KMT2C: variants seen among roughly 807,000 people sequenced by gnomAD.
The protein encoded by KMT2C is histone-lysine N-methyltransferase 2C.
A neutral mutation model predicts 507.9 loss-of-function variants in KMT2C; 88 were observed. The observed-to-expected ratio is 0.17, with a 90% CI of 0.15 to 0.21. KMT2C has a LOEUF of 0.21. KMT2C is among the 10% of genes least tolerant of loss of function. The pLI, the probability that KMT2C is intolerant of heterozygous loss-of-function variation, is 1.00. For missense variants in KMT2C, 4,954 were observed against 5,957.8 expected (o/e 0.83, Z 5.55); for synonymous variants, 2,049 against 2,080.8 (o/e 0.98, Z 0.42).
intron 2 of KMT2C, among the ~76,000 whole-genome samples, chr7:152,345,452 G>C (rs78196990): frequency 4.6e-5 from 7 of 152,076 alleles, no homozygotes; most frequent in Admixed American, 6.5e-5. Context: ...TAAAAATAAA[G>C]AAGAATCACT....
intron 2 of KMT2C, among the ~76,000 whole-genome samples, chr7:152,337,104 G>C (rs956999218): frequency 5.9e-5 from 9 of 151,952 alleles, no homozygotes; most frequent in Admixed American, 3.3e-4. Flanking sequence ...GGGCAACATG[G>C]CAAAAGCAAA....
chr7:152,167,760 G>A lies in KMT2C; in HGVS notation c.9518-382C>T, dbSNP rs62481489. Among the ~76,000 whole-genome samples, 407 of 152,244 alleles carry A rather than the reference G, an allele frequency of 2.7e-3. 3 individuals carry two copies. Among genetic ancestry groups the A allele is most frequent in the Non-Finnish European group, 4.4e-3 (298 of 68,010 alleles). ...AATACGATTTTACAGATTTTGAAGA[G>A]ACAAAGACATATCCCATTAAGGTCT... On this transcript the variant is annotated intron_variant, in intron 41 of 58. Coordinates refer to ENST00000262189, the MANE Select transcript of KMT2C (RefSeq NM_170606.3).
At chr7:152,304,982 T>A (rs764564345) in intron 6 of KMT2C, among the ~76,000 whole-genome samples, 2 of 152,236 alleles carry the variant, frequency 1.3e-5, no homozygotes, top group East Asian at 3.8e-4. Flanking sequence ...CTGTAAAGAT[T>A]TGCTCTATTT....
Position 152,138,684 on chromosome 7 carries a change from T to G in KMT2C, c.14643+112A>C. On this transcript the variant is annotated intron_variant, in intron 58 of 58. Coordinates refer to ENST00000262189, the MANE Select transcript of KMT2C (RefSeq NM_170606.3). This position sits in a 1 kb window ranked among gnomAD's most constrained non-coding sequence, Gnocchi z 4.2. ...AACATCTGGCCTATTATGGACAGAG[T>G]TTTTATCACAACAAAGAATTGGGAA... 1.4e-6 allele frequency: 1 copy of G among 728,948 alleles called. No individual in the cohort carries two copies. Among genetic ancestry groups the G allele is most frequent in the South Asian group, 1.8e-5 (1 of 55,978 alleles). 45.2% of individuals were successfully genotyped at this position (728,948 alleles called of 1,614,324 possible).
chr7:152,187,678 G>C (rs1350380489), intron 32 of KMT2C, 37 bp downstream of exon 32: 1 of 1,592,738 alleles, frequency 6.3e-7, no homozygotes, highest in Non-Finnish European at 8.5e-7. Flanking sequence ...ACAGAAATTA[G>C]TGCAATTTAA....
At chr7:152,180,690 G>A (rs2093405302) in intron 36 of KMT2C, 21 bp downstream of exon 36, 3 of 1,538,142 alleles carry the variant, frequency 2.0e-6, no homozygotes, top group Non-Finnish European at 2.7e-6. Flanking sequence ...ATTTAAAACT[G>A]AGAACATACA....
chr7:152,174,121 CT>C lies in KMT2C; in HGVS notation c.9374+9del. ...GATGCCCAGTAGAAACAAGCAGCCA[CT>C]CCACCTACCTGCTCATCACCATTGG... On this transcript the variant is annotated intron_variant, in intron 39 of 58. Transcript: ENST00000262189. 1 of 1,470,834 alleles carries C rather than the reference CT, an allele frequency of 6.8e-7. No homozygotes were observed. The highest frequency in any genetic ancestry group is 9.3e-7 in the Non-Finnish European group (1 of 1,069,556). 91.1% of individuals were successfully genotyped at this position (1,470,834 alleles called of 1,614,324 possible). A position where few individuals can be genotyped will look rare whatever the true frequency, so the allele number is the denominator to read the frequency against.
In KMT2C at chr7:152,252,046, T is replaced by G; in HGVS notation, c.1514A>C (p.Asp505Ala). Residue 505 changes from aspartate (D) to alanine (A), a missense_variant, in exon 11 of 59, where the codon GAT becomes GCT. Physicochemically the swap from Asp to Ala is moderately radical, Grantham distance 126. Around this residue, in one of 29 missense-constraint regions of KMT2C, gnomAD observed 376 missense variants for 352.4 expected, o/e 1.07. Coordinates refer to ENST00000262189, the MANE Select transcript of KMT2C (RefSeq NM_170606.3). Reference protein sequence around the residue: ...ECDKPTDHELDTQLKEEYICM... With the variant: ...ECDKPTDHELATQLKEEYICM... ...GATATACTCTTCTTTGAGCTGAGTA[T>G]CCAGTTCATGATCTGTTGGTTTGTC... 2 of 1,612,064 alleles carry G rather than the reference T, an allele frequency of 1.2e-6. No individual in the cohort carries two copies. The highest frequency in any genetic ancestry group is 2.2e-5 in the South Asian group (2 of 90,610).
At chr7:152,261,520 C>A (rs1252256207) in intron 9 of KMT2C, among the ~76,000 whole-genome samples, 2 of 151,988 alleles carry the variant, frequency 1.3e-5, no homozygotes, top group Admixed American at 6.5e-5. Context: ...TTTTAAAAAA[C>A]CTACCTTAGT....
At chr7:152,417,108 G>T (rs1028888722) in intron 1 of KMT2C, among the ~76,000 whole-genome samples, 1 of 149,490 alleles carries the variant, frequency 6.7e-6, no homozygotes, top group Admixed American at 6.7e-5. Flanking sequence ...TATATTTATT[G>T]CTTGCTAAGG....
At chr7:152,421,239 C>G (rs2097775612) in intron 1 of KMT2C, among the ~76,000 whole-genome samples, 1 of 151,690 alleles carries the variant, frequency 6.6e-6, no homozygotes, top group Non-Finnish European at 1.5e-5. Context: ...AAGTCACACA[C>G]AAAAAAAACA....
At chr7:152,237,824 T>C (rs2095309353) in intron 15 of KMT2C, among the ~76,000 whole-genome samples, 1 of 152,120 alleles carries the variant, frequency 6.6e-6, no homozygotes. Flanking sequence ...TTTAAATTGG[T>C]ATAAAAGATT....
intron 34 of KMT2C, among the ~76,000 whole-genome samples, chr7:152,183,844 C>T (rs2093521244): frequency 6.6e-6 from 1 of 151,620 alleles, no homozygotes; most frequent in Non-Finnish European, 1.5e-5. Flanking sequence ...TGTGGTGAGC[C>T]AAGATTGCGC....
Position 152,273,804 on chromosome 7 carries a change from T to A in KMT2C, c.913A>T (p.Met305Leu). Reference protein sequence around the residue: ...IKCCEEKCTQMYHYPCAAGAG... With the variant: ...IKCCEEKCTQLYHYPCAAGAG... ...CCTGCAGCACAAGGATAATGATACA[T>A]CTGGGTACATTTCTCTTCACAGCAT... The change falls in exon 7 of 59, where the codon ATG (methionine) becomes TTG (leucine). Residue 305 changes from methionine to leucine, a missense_variant. Around this residue, in one of 29 missense-constraint regions of KMT2C, gnomAD observed 24 missense variants for 82.7 expected, o/e 0.29. Transcript: ENST00000262189. 2 of 1,614,088 alleles carry A rather than the reference T, an allele frequency of 1.2e-6. No homozygotes were observed. The highest frequency in any genetic ancestry group is 1.7e-6 in the Non-Finnish European group (2 of 1,179,942).
chr7:152,425,376 G>C (rs1431529789), intron 1 of KMT2C, among the ~76,000 whole-genome samples: 1 of 152,140 alleles, frequency 6.6e-6, no homozygotes, highest in African/African-American at 2.4e-5. Flanking sequence ...AGAAGTTCGA[G>C]ACCAGCCTGG....
At chr7:152,225,950 TGA>T (rs1490589720) in intron 18 of KMT2C, among the ~76,000 whole-genome samples, 11 of 152,214 alleles carry the variant, frequency 7.2e-5, no homozygotes, top group Admixed American at 4.6e-4. Flanking sequence ...GAACATTTAC[TGA>T]GTCATAACCA....
intron 56 of KMT2C, 67 bp from the exon 57 acceptor site, chr7:152,139,326 C>T (rs2129089586): frequency 7.0e-7 from 1 of 1,435,836 alleles, no homozygotes; most frequent in Non-Finnish European, 9.7e-7. Context: ...TTCCTATCCA[C>T]ACCAGGAGGA....
At position 152,179,919 on chromosome 7, in the gene KMT2C, G is replaced by A. The variant is rs916710269; in HGVS notation, c.7357C>T (p.Pro2453Ser). The A allele has an allele frequency of 6.2e-7, 1 of 1,614,032 alleles. No homozygotes were observed. The highest frequency in any genetic ancestry group is 8.5e-7 in the Non-Finnish European group (1 of 1,179,934). The change falls in exon 37 of 59, where the codon CCT becomes TCT. Residue 2453 changes from proline to serine, a missense_variant. Pro to Ser is a moderately conservative substitution (Grantham distance 74, BLOSUM62 -1). Around this residue, in one of 29 missense-constraint regions of KMT2C, gnomAD observed 1,689 missense variants for 1,654.3 expected, o/e 1.02. Transcript: ENST00000262189. ...TCTTTTGGGAAAACAGCATATCTAG[G>A]TCCTAAAGGAGGGGCAACAGGAGAC... ...IRSPVAPPLG[P>S]RYAVFPKDQR... is the part of the protein sequence containing the mutation.
At chr7:152,431,991 TAC>T (rs1469767198) in intron 1 of KMT2C, among the ~76,000 whole-genome samples, 2 of 152,174 alleles carry the variant, frequency 1.3e-5, no homozygotes, top group African/African-American at 4.8e-5. Flanking sequence ...GCGTTACAAA[TAC>T]AGAGTAGCAA....
Sources: gnomAD v4.1 joint callset for allele counts (sites outside exome capture counted in the v4.1 genomes callset) on GRCh38, gnomAD v4.1.1 for gene constraint, gnomAD v4.1.1 regional missense constraint, Gnocchi (gnomAD v3.1) non-coding constraint, MANE v1.5 for transcripts, NCBI Gene and HGNC (gene_info 2026-07-23, HGNC 2026-07-21) for gene names.